MGST1: variants seen among roughly 807,000 people sequenced by gnomAD.
The protein encoded by MGST1 is glutathione S-transferase 12.
In MGST1, 5 loss-of-function variants were observed where a neutral mutation model predicts 8.9. That is an observed-to-expected ratio of 0.56 (90% CI 0.29 to 1.19). The LOEUF is 1.19. MGST1 is among the 50% of genes most tolerant of loss of function. The pLI, the probability that MGST1 is intolerant of heterozygous loss-of-function variation, is 0.08. For missense variants in MGST1, 182 were observed against 187.4 expected, an observed-to-expected ratio of 0.97 and a Z score of 0.17; for synonymous variants, 54 against 67.8, an observed-to-expected ratio of 0.80 and a Z score of 1.00.
intron 4 of MGST1, among the ~76,000 whole-genome samples, chr12:16,506,427 A>G (rs1375518651): frequency 6.6e-6 from 1 of 152,186 alleles, no homozygotes; most frequent in African/African-American, 2.4e-5. Flanking sequence ...TGAAGATGGT[A>G]TGGAAAAACA....
At position 16,582,684 on chromosome 12, in the gene MGST1, C is replaced by G. The variant is rs1234606534; in HGVS notation, n.483-6844C>G. ...CCTAGGAAAAATAAGTATACCACAA[C>G]AAGATCACCGTTCCTAGGTACGGTC... On this transcript the variant is annotated intron_variant and non_coding_transcript_variant, in intron 4 of 4. Transcript: ENST00000538857. The surrounding 1 kb of genome is among the most constrained non-coding windows in gnomAD (Gnocchi z 4.1). 6.6e-6 allele frequency among the ~76,000 whole-genome samples: 1 copy of G among 152,138 alleles called. No individual in the cohort carries two copies. The highest frequency in any genetic ancestry group is 6.6e-5 in the Admixed American group (1 of 15,264).
intron 4 of MGST1, among the ~76,000 whole-genome samples, chr12:16,454,519 G>A (rs771534737): frequency 8.8e-5 from 13 of 148,482 alleles, no homozygotes; most frequent in Non-Finnish European, 1.8e-4. Context: ...TAAAGATGAG[G>A]AAGAAGAGAA....
Position 16,559,017 on chromosome 12 carries a change from G to A in MGST1, n.483-30511G>A, listed in dbSNP as rs376833962. 1.5e-4 allele frequency among the ~76,000 whole-genome samples: 23 copies of A among 152,160 alleles called. No homozygotes were observed. The highest frequency in any genetic ancestry group is 7.7e-4 in the East Asian group (4 of 5,180). Reference sequence around the variant, plus strand: ...ATGGTGGTGCTGAAATTTGAATCCCGTTCTCACTAGAAATGTCACATTCTT... The same window carrying A: ...ATGGTGGTGCTGAAATTTGAATCCCATTCTCACTAGAAATGTCACATTCTT... On this transcript the variant is annotated intron_variant and non_coding_transcript_variant, in intron 4 of 4. Coordinates refer to the MGST1 transcript ENST00000538857. This position sits in a 1 kb window ranked among gnomAD's most constrained non-coding sequence, Gnocchi z 4.1.
At chr12:16,364,487 A>G, downstream of MGST1, 1 of 723,196 alleles carries the variant, frequency 1.4e-6, no homozygotes, top group East Asian at 1.3e-4. The surrounding 1 kb of genome is among the most constrained non-coding windows in gnomAD (Gnocchi z 5.7). Flanking sequence ...AAATAGTACA[A>G]AGAACCACTC....
chr12:16,492,240 C>T (rs1322457322), intron 4 of MGST1, among the ~76,000 whole-genome samples: 1 of 152,006 alleles, frequency 6.6e-6, no homozygotes, highest in East Asian at 1.9e-4. Flanking sequence ...AAATCTTGCA[C>T]CTGAAAAATA....
At chr12:16,402,403 G>T in intron 1 of MGST1, 1 of 1,604,624 alleles carries the variant, frequency 6.2e-7, no homozygotes, top group Non-Finnish European at 8.5e-7. Context: ...AAGCGTCTTT[G>T]TCCAGAGTCA....
chr12:16,482,183 A>G lies in MGST1; in HGVS notation n.482+98579A>G, dbSNP rs1941368668. On this transcript the variant is annotated intron_variant and non_coding_transcript_variant, in intron 4 of 4. Transcript: ENST00000538857. This position sits in a 1 kb window ranked among gnomAD's most constrained non-coding sequence, Gnocchi z 4.2. ...AAAACCAAAGCAAATTACCACCAGT[A>G]GACCTCCAAATTCTGAACTTCTGGC... Among the ~76,000 whole-genome samples the G allele has an allele frequency of 6.6e-6, 1 of 152,250 alleles. No individual in the cohort carries two copies.
At chr12:16,397,165 C>G (rs940566562) in intron 1 of MGST1, among the ~76,000 whole-genome samples, 1 of 152,038 alleles carries the variant, frequency 6.6e-6, no homozygotes, top group African/African-American at 2.4e-5. Context: ...GAAACAAAAA[C>G]ATAAAGTGGG....
In MGST1 at chr12:16,544,627, C is replaced by G. The variant is rs1303113928; in HGVS notation, n.483-44901C>G. 1.3e-5 allele frequency among the ~76,000 whole-genome samples: 2 copies of G among 152,008 alleles called. No homozygotes were observed. Among genetic ancestry groups the G allele is most frequent in the African/African-American group, 4.8e-5 (2 of 41,398 alleles). On this transcript the variant is annotated intron_variant and non_coding_transcript_variant, in intron 4 of 4. Coordinates refer to the MGST1 transcript ENST00000538857. This position sits in a 1 kb window ranked among gnomAD's most constrained non-coding sequence, Gnocchi z 4.8. ...GTGAGAAAAAGAATTAGCCAAATAT[C>G]TAACAGGAAATTTGACTACATAGGT...
chr12:16,544,931 G>A lies in MGST1; in HGVS notation n.483-44597G>A, dbSNP rs778715038. Among the ~76,000 whole-genome samples the A allele has an allele frequency of 1.4e-4, 22 of 152,050 alleles. No individual in the cohort carries two copies. Among genetic ancestry groups the A allele is most frequent in the Admixed American group, 3.3e-4 (5 of 15,242 alleles). On this transcript the variant is annotated intron_variant and non_coding_transcript_variant, in intron 4 of 4. Coordinates refer to the MGST1 transcript ENST00000538857. This position sits in a 1 kb window ranked among gnomAD's most constrained non-coding sequence, Gnocchi z 4.8. ...TTGTGCCCCAACCAAGGTTCATATC[G>A]TCAATAACACAGATCCTGTAAGTTT... is the stretch of plus-strand genomic sequence containing the variant.
chr12:16,410,647 A>G lies in MGST1; in HGVS notation n.779-26741A>G, dbSNP rs1940734555. On this transcript the variant is annotated intron_variant and non_coding_transcript_variant, in intron 1 of 1. Coordinates refer to the MGST1 transcript ENST00000359720. This position sits in a 1 kb window ranked among gnomAD's most constrained non-coding sequence, Gnocchi z 4.4. ...TAATATATGTATATGTAATACATAT[A>G]TTATATATAAACATACATAATCAAA... Among the ~76,000 whole-genome samples, 1 of 147,708 alleles carries G rather than the reference A, an allele frequency of 6.8e-6. No individual in the cohort carries two copies. Among genetic ancestry groups the G allele is most frequent in the South Asian group, 2.1e-4 (1 of 4,798 alleles).
intron 3 of MGST1, among the ~76,000 whole-genome samples, chr12:16,358,271 T>TC (rs1939818418): frequency 6.6e-6 from 1 of 152,202 alleles, no homozygotes; most frequent in African/African-American, 2.4e-5. Flanking sequence ...CGTTAGTTTT[T>TC]CAACCTTTGT....
At chr12:16,446,473 A>G (rs1259386333) in intron 4 of MGST1, among the ~76,000 whole-genome samples, 1 of 151,702 alleles carries the variant, frequency 6.6e-6, no homozygotes, top group African/African-American at 2.4e-5. Flanking sequence ...TTTTTTGGTT[A>G]TATAATTTAA....
chr12:16,363,815 A>C lies in MGST1; in HGVS notation c.242A>C (p.Glu81Ala). ...RVRRAHLNDL[E>A]NIIPFLGIGL... ...CACAGAGCCCACCTGAATGACCTTG[A>C]AAATATTATTCCATTTCTTGGAATT... Residue 81 changes from glutamate (E) to alanine (A), a missense_variant, in exon 4 of 4, where the codon GAA (glutamate) becomes GCA (alanine). By Grantham distance (107) the Glu-to-Ala change is moderately radical. Transcript: ENST00000396210. The surrounding 1 kb of genome is among the most constrained non-coding windows in gnomAD (Gnocchi z 4.6). The C allele has an allele frequency of 1.2e-6, 2 of 1,606,262 alleles. No homozygotes were observed. The highest frequency in any genetic ancestry group is 1.7e-6 in the Non-Finnish European group (2 of 1,173,664).
At chr12:16,367,132 A>C (rs1236994934), downstream of MGST1, among the ~76,000 whole-genome samples, 2 of 152,170 alleles carry the variant, frequency 1.3e-5, no homozygotes, top group Non-Finnish European at 2.9e-5. Context: ...GACTCTAAAA[A>C]TTCTATTTAC....
chr12:16,420,172 A>C (rs1940822388), intron 1 of MGST1, among the ~76,000 whole-genome samples: 1 of 152,158 alleles, frequency 6.6e-6, no homozygotes, highest in African/African-American at 2.4e-5. Flanking sequence ...GAGTGACTTA[A>C]AAATATATAT....
downstream of MGST1, among the ~76,000 whole-genome samples, chr12:16,368,445 C>T (rs1210519297): frequency 2.0e-5 from 3 of 152,292 alleles, no homozygotes; most frequent in East Asian, 5.8e-4. Context: ...GCACAAAAAT[C>T]CTATGATCAT....
chr12:16,515,505 C>CT (rs1317569466), intron 4 of MGST1, among the ~76,000 whole-genome samples: 1 of 151,960 alleles, frequency 6.6e-6, no homozygotes, highest in Admixed American at 6.6e-5. Flanking sequence ...TAGCGGGAGC[C>CT]TGTAATCCCA....
intron 1 of MGST1, among the ~76,000 whole-genome samples, chr12:16,433,522 A>T (rs1208260100): frequency 1.3e-5 from 2 of 152,086 alleles, no homozygotes; most frequent in Non-Finnish European, 2.9e-5. Context: ...GCAATCAGGC[A>T]GTAGAAATTT....
Sources: gnomAD v4.1 joint callset for allele counts (sites outside exome capture counted in the v4.1 genomes callset) on GRCh38, gnomAD v4.1.1 for gene constraint, Gnocchi (gnomAD v3.1) non-coding constraint, MANE v1.5 for transcripts, NCBI Gene and HGNC (gene_info 2026-07-23, HGNC 2026-07-21) for gene names.